The following MAD2L2 variants were observed in gnomAD, a reference collection of about 807,000 sequenced individuals.
MAD2L2 encodes the protein mitotic spindle assembly checkpoint protein MAD2B.
In MAD2L2, 17 loss-of-function variants were observed where a neutral mutation model predicts 30.5. The observed-to-expected ratio is 0.56, with a 90% confidence interval of 0.38 to 0.84. The LOEUF is 0.84. Ranked by LOEUF, MAD2L2 falls within the 40% of genes least tolerant of loss-of-function variation. The pLI is 0.00. For synonymous variants in MAD2L2, 101 were observed against 113.9 expected, an observed-to-expected ratio of 0.89 and a Z score of 0.72; for missense variants, 213 against 277.4, an observed-to-expected ratio of 0.77 and a Z score of 1.65.
chr1:11,678,056 C>CA (rs34436574), intron 3 of MAD2L2, among the ~76,000 whole-genome samples: 48,695 of 104,616 alleles, frequency 0.47, 10,134 homozygotes, highest in Admixed American at 0.52. Flanking sequence ...GACTCCATCT[C>CA]AAAAAAAAAA....
In MAD2L2 at chr1:11,690,734, A is replaced by G. The variant is rs936801725; in HGVS notation, c.-692+679T>C. Among the ~76,000 whole-genome samples, 4 of 152,014 alleles carry G rather than the reference A, an allele frequency of 2.6e-5. No homozygotes were observed. The highest frequency in any genetic ancestry group is 9.7e-5 in the African/African-American group (4 of 41,392). On this transcript the variant is annotated intron_variant, in intron 1 of 10. Transcript: ENST00000235310. The surrounding 1 kb of genome is among the most constrained non-coding windows in gnomAD (Gnocchi z 4.2). ...TGATCTTTGCAGCGTCCGTGGCCCC[A>G]CCGACCCCGTCGTGAGTTATGGGAG...
rs534425514 is a variant in MAD2L2, at chr1:11,687,130, A to G, written c.-692+4283T>C. ...ATCTAGGCTGGAGTGCAGTGACGCA[A>G]TCACAGCTCACTGAAGCCTCAACCT... On this transcript the variant is annotated intron_variant, in intron 1 of 10. Coordinates refer to the MAD2L2 transcript ENST00000235310. The surrounding 1 kb of genome is among the most constrained non-coding windows in gnomAD (Gnocchi z 4.1). Among the ~76,000 whole-genome samples, 2 of 152,230 alleles carry G rather than the reference A, an allele frequency of 1.3e-5. No homozygotes were observed. The highest frequency in any genetic ancestry group is 2.1e-4 in the South Asian group (1 of 4,822).
At chr1:11,683,925 C>T (rs964908913), upstream of MAD2L2, among the ~76,000 whole-genome samples, 1 of 152,112 alleles carries the variant, frequency 6.6e-6, no homozygotes, top group Non-Finnish European at 1.5e-5. Flanking sequence ...GAGCCAAGAT[C>T]GCACCATTGC....
In MAD2L2 at chr1:11,687,989, A is replaced by G. The variant is rs993180695; in HGVS notation, c.-692+3424T>C. Reference sequence around the variant, plus strand: ...GGAGTCCAGGCCTCTCCTAACATCCACCTTTTCATATTGTGTCACCCCAGC... The same window carrying G: ...GGAGTCCAGGCCTCTCCTAACATCCGCCTTTTCATATTGTGTCACCCCAGC... On this transcript the variant is annotated intron_variant, in intron 1 of 10. Coordinates refer to the MAD2L2 transcript ENST00000235310. The surrounding 1 kb of genome is among the most constrained non-coding windows in gnomAD (Gnocchi z 4.1). Among the ~76,000 whole-genome samples the G allele has an allele frequency of 6.6e-6, 1 of 152,112 alleles. No homozygotes were observed. Among genetic ancestry groups the G allele is most frequent in the Non-Finnish European group, 1.5e-5 (1 of 68,022 alleles).
In MAD2L2 at chr1:11,674,932, G is replaced by T; in HGVS notation, c.595-116C>A. On this transcript the variant is annotated intron_variant, in intron 8 of 8. Coordinates refer to ENST00000376692, the MANE Select transcript of MAD2L2 (RefSeq NM_006341.4). The surrounding 1 kb of genome is among the most constrained non-coding windows in gnomAD (Gnocchi z 6.1). Reference sequence around the variant, plus strand: ...CCACAGGTGGGGCCTCGTGGCCATAGCCATGGTGGAGAAGAGTAGAGATGG... The same window carrying T: ...CCACAGGTGGGGCCTCGTGGCCATATCCATGGTGGAGAAGAGTAGAGATGG... 1.5e-6 allele frequency: 2 copies of T among 1,373,796 alleles called. No individual in the cohort carries two copies. The highest frequency in any genetic ancestry group is 2.1e-6 in the Non-Finnish European group (2 of 970,858). 85.1% of individuals were successfully genotyped at this position (1,373,796 alleles called of 1,614,324 possible). A position where few individuals can be genotyped will look rare whatever the true frequency, so the allele number is the denominator to read the frequency against.
At position 11,678,129 on chromosome 1, in the gene MAD2L2, C is replaced by T. The variant is rs146904073; in HGVS notation, c.160-515G>A. 3.3e-3 allele frequency among the ~76,000 whole-genome samples: 491 copies of T among 149,446 alleles called. 2 individuals are homozygous for T. Among genetic ancestry groups the T allele is most frequent in the African/African-American group, 0.011 (455 of 40,632 alleles). The stretch of plus-strand genomic sequence containing the variant: ...AGAGAAAGAAGTTAGAAGATAAGAA[C>T]TCAGGCTGGGCACAGTGGCTCACTC... On this transcript the variant is annotated intron_variant, in intron 3 of 8. Coordinates refer to ENST00000376692, the MANE Select transcript of MAD2L2 (RefSeq NM_006341.4).
chr1:11,686,016 A>G (rs943817720), upstream of MAD2L2, among the ~76,000 whole-genome samples: 13 of 152,210 alleles, frequency 8.5e-5, no homozygotes, highest in Non-Finnish European at 1.9e-4. Flanking sequence ...AATGACTGTT[A>G]TGACAATGAT....
chr1:11,680,032 G>C (rs1329174617), intron 3 of MAD2L2, among the ~76,000 whole-genome samples: 1 of 113,586 alleles, frequency 8.8e-6, no homozygotes, highest in African/African-American at 3.5e-5. Context: ...TTTCGCTCTT[G>C]TCACCCAGGC....
Position 11,688,866 on chromosome 1 carries a change from G to C in MAD2L2, c.-692+2547C>G, listed in dbSNP as rs137870859. Among the ~76,000 whole-genome samples the C allele has an allele frequency of 5.0e-4, 76 of 152,280 alleles. No homozygotes were observed. Among genetic ancestry groups the C allele is most frequent in the African/African-American group, 1.8e-3 (74 of 41,568 alleles). On this transcript the variant is annotated intron_variant, in intron 1 of 10. Transcript: ENST00000235310. This position sits in a 1 kb window ranked among gnomAD's most constrained non-coding sequence, Gnocchi z 4.6. The stretch of plus-strand genomic sequence containing the variant: ...TGATAAAACAGTTTGCAGTAAGGAA[G>C]CCTGTCAAAACCCACCAAAAGCAAG...
At position 11,676,886 on chromosome 1, in the gene MAD2L2, G is replaced by A. The variant is rs754384497; in HGVS notation, c.294C>T (p.Phe98=). Residue 98 remains phenylalanine, a synonymous_variant, in exon 5 of 9, where the codon TTC becomes TTT. Coordinates refer to ENST00000376692, the MANE Select transcript of MAD2L2 (RefSeq NM_006341.4). Reference sequence around the variant, plus strand: ...GTGGAGGCTGGGTGATCTCAAAGACGAATTTCTCCACTGGGCGGTGCTCTT... The same window carrying A: ...GTGGAGGCTGGGTGATCTCAAAGACAAATTTCTCCACTGGGCGGTGCTCTT... ...LDKEHRPVEK[F]VFEITQPPLL... The A allele has an allele frequency of 2.5e-5, 40 of 1,614,050 alleles. No individual in the cohort carries two copies. The highest frequency in any genetic ancestry group is 6.7e-5 in the African/African-American group (5 of 74,922).
intron 4 of MAD2L2, 148 bp downstream of exon 4, chr1:11,677,395 C>T: frequency 2.6e-6 from 2 of 782,674 alleles, no homozygotes; most frequent in East Asian, 2.6e-5. Flanking sequence ...GGATGGTCTC[C>T]AGAGTGCAGG....
chr1:11,677,496 G>A (rs1315751158), intron 4 of MAD2L2, 47 bp downstream of exon 4: 1 of 1,563,702 alleles, frequency 6.4e-7, no homozygotes, highest in Non-Finnish European at 8.8e-7. Context: ...CACAGGGACG[G>A]GGGTGAGCAT....
chr1:11,680,576 A>T lies in MAD2L2; in HGVS notation c.26T>A (p.Leu9His). MTTLTRQDLNFGQVVADVL... is the reference protein window; with the variant it reads MTTLTRQDHNFGQVVADVL... ...AGCCTCCCTACCTTGGCCAAAGTTGAGGTCTTGTCGTGTGAGCGTGGTCAT... is the reference window on the plus strand; with the variant it reads ...AGCCTCCCTACCTTGGCCAAAGTTGTGGTCTTGTCGTGTGAGCGTGGTCAT... The change falls in exon 2 of 9, where the codon CTC becomes CAC. Residue 9 changes from leucine (L) to histidine (H), a missense_variant. Physicochemically the swap from Leu to His is moderately conservative, Grantham distance 99. Coordinates refer to ENST00000376692, the MANE Select transcript of MAD2L2 (RefSeq NM_006341.4). The T allele has an allele frequency of 1.3e-6, 2 of 1,596,168 alleles. No homozygotes were observed. Among genetic ancestry groups the T allele is most frequent in the Non-Finnish European group, 1.7e-6 (2 of 1,169,660 alleles).
intron 5 of MAD2L2, 73 bp from the exon 6 acceptor site, chr1:11,676,213 G>T: frequency 1.0e-6 from 1 of 985,898 alleles, no homozygotes; most frequent in Non-Finnish European, 1.5e-6. Context: ...CCTGGATGCA[G>T]ACCTGGGGTA....
intron 3 of MAD2L2, among the ~76,000 whole-genome samples, chr1:11,678,572 G>A (rs1640811853): frequency 6.6e-6 from 1 of 152,194 alleles, no homozygotes; most frequent in Non-Finnish European, 1.5e-5. Flanking sequence ...CCAGGAAAAT[G>A]TAATCAGATG....
rs977279259 is a variant in MAD2L2 at position 11,688,853 on chromosome 1, T to C, written c.-692+2560A>G. ...ATAAAGACCTTGCTGATAAAACAGTTTGCAGTAAGGAAGCCTGTCAAAACC... is the reference window on the plus strand; with the variant it reads ...ATAAAGACCTTGCTGATAAAACAGTCTGCAGTAAGGAAGCCTGTCAAAACC... On this transcript the variant is annotated intron_variant, in intron 1 of 10. Transcript: ENST00000235310. The surrounding 1 kb of genome is among the most constrained non-coding windows in gnomAD (Gnocchi z 4.6). 1.3e-5 allele frequency among the ~76,000 whole-genome samples: 2 copies of C among 152,120 alleles called. No individual in the cohort carries two copies. Among genetic ancestry groups the C allele is most frequent in the African/African-American group, 4.8e-5 (2 of 41,428 alleles).
In MAD2L2 at chr1:11,680,422, G is replaced by A. The variant is rs1570290128; in HGVS notation, c.90C>T (p.Ile30=). The A allele has an allele frequency of 1.9e-6, 3 of 1,613,946 alleles. No homozygotes were observed. Among genetic ancestry groups the A allele is most frequent in the Non-Finnish European group, 2.5e-6 (3 of 1,179,938 alleles). ...CEFLEVAVHL[I]LYVREVYPVG... ...CGGGGTAGACCTCGCGCACGTAGAG[G>A]ATGAGATGCACAGCCACCTCCAGGA... Residue 30 remains isoleucine, a synonymous_variant, in exon 3 of 9, where the codon ATC becomes ATT. Transcript: ENST00000376692.
chr1:11,684,306 A>C (rs1640925208), upstream of MAD2L2, among the ~76,000 whole-genome samples: 1 of 152,234 alleles, frequency 6.6e-6, no homozygotes, highest in South Asian at 2.1e-4. Context: ...TGTGGGATCC[A>C]GATTACATTA....
At chr1:11,676,685 C>A in intron 5 of MAD2L2, 163 bp downstream of exon 5, 1 of 659,988 alleles carries the variant, frequency 1.5e-6, no homozygotes. Context: ...TCTCTGGACC[C>A]ATCTCAGCTG....
Sources: gnomAD v4.1 joint callset for allele counts (sites outside exome capture counted in the v4.1 genomes callset) on GRCh38, gnomAD v4.1.1 for gene constraint, Gnocchi (gnomAD v3.1) non-coding constraint, MANE v1.5 for transcripts, NCBI Gene and HGNC (gene_info 2026-07-23, HGNC 2026-07-21) for gene names.